DNAH9: variants seen among roughly 807,000 people sequenced by gnomAD.
DNAH9 encodes the protein dynein axonemal heavy chain 9, also known as DNAH9 variant protein.
Under a neutral mutation model 471.6 loss-of-function variants are expected in DNAH9, and 345 were observed. That is an observed-to-expected ratio of 0.73 (90% CI 0.67 to 0.80). The LOEUF is 0.80. DNAH9 is among the 30% of genes least tolerant of loss of function. The pLI is 0.00. For missense variants in DNAH9, 5,407 were observed against 5,609.2 expected (o/e 0.96, Z 1.15); for synonymous variants, 2,093 against 2,123.6 (o/e 0.99, Z 0.40).
chr17:11,651,367 C>G (rs568249835), intron 13 of DNAH9, 43 bp downstream of exon 13: 6 of 1,574,222 alleles, frequency 3.8e-6, no homozygotes, highest in Non-Finnish European at 5.2e-6. Flanking sequence ...CATGGAGATT[C>G]GAGGATCTAA....
At chr17:11,916,195 G>T (rs1183026746) in intron 61 of DNAH9, among the ~76,000 whole-genome samples, 2 of 152,082 alleles carry the variant, frequency 1.3e-5, no homozygotes, top group African/African-American at 2.4e-5. Flanking sequence ...ATTTCCTATT[G>T]TTCTTAGCCA....
At chr17:11,640,532 T>C (rs1597420328) in intron 10 of DNAH9, 148 bp downstream of exon 10, 2 of 699,940 alleles carry the variant, frequency 2.9e-6, no homozygotes. Context: ...TAGACACCTA[T>C]TGGCAAAACA....
intron 10 of DNAH9, among the ~76,000 whole-genome samples, chr17:11,643,603 G>A (rs1322342570): frequency 6.6e-6 from 1 of 152,152 alleles, no homozygotes; most frequent in Non-Finnish European, 1.5e-5. Flanking sequence ...ACAAACCTAT[G>A]TCTGTGGTCT....
intron 14 of DNAH9, among the ~76,000 whole-genome samples, chr17:11,661,609 G>A (rs981552100): frequency 4.6e-5 from 7 of 151,934 alleles, no homozygotes; most frequent in Non-Finnish European, 1.0e-4. Context: ...TACAATTCTA[G>A]TGGTTGTTCT....
At chr17:11,885,528 T>G (rs988049591) in intron 56 of DNAH9, among the ~76,000 whole-genome samples, 1 of 151,750 alleles carries the variant, frequency 6.6e-6, no homozygotes, top group African/African-American at 2.4e-5. Context: ...TCTTTTAGTT[T>G]GCTGATTTTC....
chr17:11,644,428 G>A (rs192555376), intron 10 of DNAH9, among the ~76,000 whole-genome samples: 13 of 152,206 alleles, frequency 8.5e-5, no homozygotes, highest in South Asian at 2.1e-4. Context: ...TGACACTTGC[G>A]GAGCTGCCTG....
At chr17:11,783,562 G>T in intron 39 of DNAH9, 84 bp from the exon 40 acceptor site, 1 of 962,482 alleles carries the variant, frequency 1.0e-6, no homozygotes, top group Non-Finnish European at 1.6e-6. Flanking sequence ...ATGAACAGTA[G>T]GGCACATCCT....
intron 49 of DNAH9, among the ~76,000 whole-genome samples, chr17:11,842,433 T>G (rs1971065366): frequency 1.3e-5 from 2 of 152,224 alleles, no homozygotes. Flanking sequence ...GATGTATATA[T>G]GAAGTGGAGT....
At chr17:11,624,564 G>A (rs1378234640) in intron 6 of DNAH9, among the ~76,000 whole-genome samples, 1 of 152,012 alleles carries the variant, frequency 6.6e-6, no homozygotes, top group Non-Finnish European at 1.5e-5. Context: ...TAACAAATGA[G>A]CATAACTAAA....
At chr17:11,891,627 AGC>A (rs1973051580) in intron 57 of DNAH9, 148 bp from the exon 58 acceptor site, 2 of 797,844 alleles carry the variant, frequency 2.5e-6, no homozygotes, top group Non-Finnish European at 3.7e-6. Context: ...GGCCTCCCAA[AGC>A]ACTGTGATCA....
intron 36 of DNAH9, among the ~76,000 whole-genome samples, chr17:11,765,537 C>T (rs1967897179): frequency 6.6e-6 from 1 of 152,222 alleles, no homozygotes; most frequent in South Asian, 2.1e-4. Context: ...GCTCAAAATT[C>T]AGAAAGCAGC....
At position 11,598,478 on chromosome 17, in the gene DNAH9, T is replaced by G; in HGVS notation, c.-21T>G. The stretch of plus-strand genomic sequence containing the variant: ...GCGTCCCCGTCGCTAGGGAAACCGA[T>G]GCAGCTGGAGGCCGCGCGCGATGCG... On this transcript the variant is annotated 5_prime_UTR_variant, in exon 1 of 69. The change abolishes an upstream ATG in the 5' untranslated region. Coordinates refer to ENST00000262442, the MANE Select transcript of DNAH9 (RefSeq NM_001372.4). 1 of 1,348,430 alleles carries G rather than the reference T, an allele frequency of 7.4e-7. No individual in the cohort carries two copies. Among genetic ancestry groups the G allele is most frequent in the Non-Finnish European group, 9.5e-7 (1 of 1,056,304 alleles). 83.5% of individuals were successfully genotyped at this position (1,348,430 alleles called of 1,614,324 possible). A position where few individuals can be genotyped will look rare whatever the true frequency, so the allele number is the denominator to read the frequency against.
At chr17:11,788,824 G>A (rs1303471647) in intron 41 of DNAH9, among the ~76,000 whole-genome samples, 1 of 152,048 alleles carries the variant, frequency 6.6e-6, no homozygotes, top group Non-Finnish European at 1.5e-5. Context: ...TGATTTTACA[G>A]GGAAACACTT....
chr17:11,754,335 A>T (rs1335369840), intron 33 of DNAH9, among the ~76,000 whole-genome samples: 1 of 152,192 alleles, frequency 6.6e-6, no homozygotes, highest in Non-Finnish European at 1.5e-5. Context: ...TCCTCTGGAT[A>T]TATGTCCAGT....
At chr17:11,727,991 T>G in intron 28 of DNAH9, 69 bp downstream of exon 28, 1 of 978,788 alleles carries the variant, frequency 1.0e-6, no homozygotes, top group Non-Finnish European at 1.7e-6. Context: ...TATGTCCTCT[T>G]GTTTTCTACC....
intron 38 of DNAH9, among the ~76,000 whole-genome samples, chr17:11,777,967 A>C (rs1597632081): frequency 6.6e-6 from 1 of 152,142 alleles, no homozygotes; most frequent in Non-Finnish European, 1.5e-5. Flanking sequence ...ATAAGTAAAG[A>C]TATATTAGGA....
chr17:11,879,348 A>T (rs1972626855), intron 53 of DNAH9, among the ~76,000 whole-genome samples: 1 of 151,664 alleles, frequency 6.6e-6, no homozygotes, highest in Non-Finnish European at 1.5e-5. Context: ...TTAGATAATG[A>T]CTCCCTCCTC....
At chr17:11,757,714 A>G (rs775506234) in intron 35 of DNAH9, 22 bp downstream of exon 35, 3 of 1,612,468 alleles carry the variant, frequency 1.9e-6, no homozygotes, top group South Asian at 2.2e-5. Context: ...AACAAGGAAG[A>G]TAGAGAGTTA....
At position 11,930,157 on chromosome 17, in the gene DNAH9, G is replaced by C. The variant is rs548613412; in HGVS notation, c.12105+64G>C. The C allele has an allele frequency of 1.3e-4, 184 of 1,384,532 alleles. 4 individuals are homozygous for C. The South Asian group carries it at 1.5e-3, about 11-fold the overall frequency. 85.8% of individuals were successfully genotyped at this position (1,384,532 alleles called of 1,614,324 possible). On this transcript the variant is annotated intron_variant, in intron 63 of 68. Transcript: ENST00000262442. ...TCACAGTCAGCTGATGCAAACTGGTGGGGGGAGAGCATGCAACTCAGAAGG... is the reference window on the plus strand; with the variant it reads ...TCACAGTCAGCTGATGCAAACTGGTCGGGGGAGAGCATGCAACTCAGAAGG...
Sources: gnomAD v4.1 joint callset for allele counts (sites outside exome capture counted in the v4.1 genomes callset) on GRCh38, gnomAD v4.1.1 for gene constraint, MANE v1.5 for transcripts, NCBI Gene and HGNC (gene_info 2026-07-23, HGNC 2026-07-21) for gene names.